Variants in CDH12 observed in about 807,000 individuals in gnomAD.
CDH12 encodes the protein cadherin-12.
A neutral mutation model predicts 74.1 loss-of-function variants in CDH12; 41 were observed. The ratio of observed to expected loss-of-function variants is 0.55; its 90% confidence interval spans 0.43 to 0.72. The LOEUF (loss-of-function observed/expected upper bound fraction) is 0.72, where lower values mean the gene tolerates loss of function less well. Among genes scored for constraint, CDH12 ranks in the 30% least tolerant of loss-of-function variants. The pLI is 0.00. For missense variants in CDH12, 945 were observed against 977.2 expected, an observed-to-expected ratio of 0.97 and a Z score of 0.44; for synonymous variants, 399 against 355.0, an observed-to-expected ratio of 1.12 and a Z score of -1.39.
At chr5:21,828,716 T>G (rs2149962936) in intron 8 of CDH12, among the ~76,000 whole-genome samples, 1 of 152,326 alleles carries the variant, frequency 6.6e-6, no homozygotes, top group East Asian at 1.9e-4. Context: ...TAATATTTTC[T>G]GTGTCATCCC....
At chr5:22,428,822 T>C (rs1160720561) in intron 2 of CDH12, among the ~76,000 whole-genome samples, 1 of 152,148 alleles carries the variant, frequency 6.6e-6, no homozygotes, top group Admixed American at 6.5e-5. Flanking sequence ...CCAGCCTTCA[T>C]AAAAATCCTC....
intron 10 of CDH12, among the ~76,000 whole-genome samples, chr5:21,785,747 A>G (rs1459159816): frequency 4.6e-5 from 7 of 152,316 alleles, no homozygotes; most frequent in Non-Finnish European, 8.8e-5. Context: ...CATGAGGTTT[A>G]AGGAAAGAAG....
intron 1 of CDH12, among the ~76,000 whole-genome samples, chr5:22,753,310 G>A (rs1174880103): frequency 2.0e-5 from 3 of 151,450 alleles, no homozygotes; most frequent in East Asian, 2.0e-4. Context: ...GGTGGCGGGC[G>A]CCTGTAGTCC....
intron 1 of CDH12, among the ~76,000 whole-genome samples, chr5:22,684,737 T>C (rs1741671292): frequency 6.6e-6 from 1 of 152,188 alleles, no homozygotes; most frequent in East Asian, 1.9e-4. Flanking sequence ...ACTTGCAACA[T>C]CGTTGTATAC....
intron 2 of CDH12, among the ~76,000 whole-genome samples, chr5:22,500,088 T>C (rs756094622): frequency 2.6e-5 from 4 of 152,170 alleles, no homozygotes; most frequent in South Asian, 2.1e-4. Flanking sequence ...AGTTGTATCA[T>C]GAACCTGATT....
At chr5:22,689,115 G>A (rs933887720) in intron 1 of CDH12, among the ~76,000 whole-genome samples, 5 of 152,100 alleles carry the variant, frequency 3.3e-5, no homozygotes, top group African/African-American at 1.2e-4. Context: ...TGGACAATCT[G>A]TAGTATTCTA....
intron 1 of CDH12, among the ~76,000 whole-genome samples, chr5:22,777,733 T>C (rs1747174743): frequency 2.0e-5 from 3 of 152,250 alleles, no homozygotes; most frequent in African/African-American, 7.2e-5. Flanking sequence ...GATTGCATTC[T>C]AGGATGTAAA....
intron 4 of CDH12, among the ~76,000 whole-genome samples, chr5:22,195,003 G>A (rs1750540447): frequency 6.6e-6 from 1 of 152,188 alleles, no homozygotes; most frequent in Admixed American, 6.5e-5. Context: ...GTGATCCTGA[G>A]CTATCATAAA....
rs542222336 is a variant in CDH12 at position 21,816,624 on chromosome 5, C to CAAA, written c.1002+318_1002+320dup. On this transcript the variant is annotated intron_variant, in intron 9 of 14. Transcript: ENST00000382254. ...TGGGTAACAGAGTGCAACTCCATCT[C>CAAA]AAAAAAAAAAAAAAAAAAAAAAAAA... 3.2e-3 allele frequency among the ~76,000 whole-genome samples: 57 copies of CAAA among 17,956 alleles called. 4 individuals are homozygous for CAAA. Among genetic ancestry groups the CAAA allele is most frequent in the African/African-American group, 7.0e-3 (53 of 7,564 alleles). The allele number at this position is 17,956 out of a possible 152,430, so 11.8% of individuals were successfully genotyped here.
intron 5 of CDH12, among the ~76,000 whole-genome samples, chr5:21,977,328 T>C (rs1561342817): frequency 6.6e-6 from 1 of 152,102 alleles, no homozygotes; most frequent in Non-Finnish European, 1.5e-5. Flanking sequence ...AGTAGATAAA[T>C]GTTCTTTGAA....
At chr5:22,738,332 A>G (rs2127013858) in intron 1 of CDH12, among the ~76,000 whole-genome samples, 1 of 152,182 alleles carries the variant, frequency 6.6e-6, no homozygotes, top group African/African-American at 2.4e-5. Flanking sequence ...GTGGTCAGAG[A>G]CACATGCTTT....
chr5:22,529,087 G>T (rs1335831494), intron 1 of CDH12, among the ~76,000 whole-genome samples: 1 of 106,198 alleles, frequency 9.4e-6, no homozygotes. Context: ...ATATATGCAT[G>T]CAAAACATGA....
intron 3 of CDH12, among the ~76,000 whole-genome samples, chr5:22,238,327 G>T (rs1752628722): frequency 1.3e-5 from 2 of 152,178 alleles, no homozygotes; most frequent in Admixed American, 1.3e-4. Context: ...ACCAGCTGGA[G>T]TATTGGTCAA....
At chr5:22,029,914 C>T (rs1393657752) in intron 5 of CDH12, among the ~76,000 whole-genome samples, 2 of 151,688 alleles carry the variant, frequency 1.3e-5, no homozygotes, top group Non-Finnish European at 2.9e-5. Context: ...ACATATACAC[C>T]ATGGAATACT....
intron 1 of CDH12, among the ~76,000 whole-genome samples, chr5:22,790,643 C>CTA (rs1439249134): frequency 7.3e-5 from 11 of 151,394 alleles, no homozygotes; most frequent in South Asian, 2.1e-4. Flanking sequence ...TTTATTTATA[C>CTA]TATATATATA....
At chr5:22,105,244 A>C (rs1285807706) in intron 4 of CDH12, among the ~76,000 whole-genome samples, 1 of 138,632 alleles carries the variant, frequency 7.2e-6, no homozygotes, top group African/African-American at 2.6e-5. Context: ...GGCATGCACC[A>C]GCACACCCAG....
intron 2 of CDH12, among the ~76,000 whole-genome samples, chr5:22,470,416 A>T (rs199912659): frequency 2.1e-5 from 3 of 146,330 alleles, no homozygotes; most frequent in Non-Finnish European, 4.5e-5. Context: ...ATTTTATTTT[A>T]TTTATTTTAT....
intron 1 of CDH12, among the ~76,000 whole-genome samples, chr5:22,523,602 G>T (rs1737142252): frequency 6.6e-6 from 1 of 152,010 alleles, no homozygotes; most frequent in South Asian, 2.1e-4. Context: ...TATTGCTGTT[G>T]CAGGTCAATC....
intron 1 of CDH12, among the ~76,000 whole-genome samples, chr5:22,786,720 G>GT (rs199802027): frequency 0.015 from 2,191 of 149,672 alleles, 52 homozygotes; most frequent in African/African-American, 0.049. Flanking sequence ...TTTTCTTTCT[G>GT]TTTTTTTTTC....
Sources: allele counts gnomAD v4.1 joint callset (sites outside exome capture counted in the v4.1 genomes callset), GRCh38; gene constraint gnomAD v4.1.1; transcripts MANE v1.5; gene names NCBI Gene and HGNC (gene_info 2026-07-23, HGNC 2026-07-21).